Variants in NDEL1 observed in about 807,000 individuals in gnomAD.
NDEL1 encodes the protein nuclear distribution protein nudE-like 1.
A neutral mutation model predicts 45.7 loss-of-function variants in NDEL1; 9 were observed. The observed-to-expected ratio is 0.20, with a 90% confidence interval of 0.12 to 0.34. The LOEUF (loss-of-function observed/expected upper bound fraction) is 0.34. NDEL1 is among the 10% of genes least tolerant of loss of function. The pLI, the probability that NDEL1 is intolerant of heterozygous loss-of-function variation, is 1.00. For missense variants in NDEL1, 306 were observed against 406.2 expected, an observed-to-expected ratio of 0.75 and a Z score of 2.12; for synonymous variants, 133 against 158.6, an observed-to-expected ratio of 0.84 and a Z score of 1.21.
intron 1 of NDEL1, among the ~76,000 whole-genome samples, chr17:8,442,827 TCC>T (rs1222342720): frequency 7.1e-6 from 1 of 139,928 alleles, no homozygotes; most frequent in African/African-American, 2.6e-5. Flanking sequence ...TCTCGCTCTG[TCC>T]CCCAGGCTGG....
At chr17:8,433,482 T>C (rs1475197756), upstream of NDEL1, among the ~76,000 whole-genome samples, 1 of 152,238 alleles carries the variant, frequency 6.6e-6, no homozygotes, top group Non-Finnish European at 1.5e-5. Flanking sequence ...TTTACACTTT[T>C]ATAAAGCGTC....
chr17:8,467,099 G>T lies in NDEL1; in HGVS notation c.*76G>T. On this transcript the variant is annotated 3_prime_UTR_variant, in exon 9 of 9. Coordinates refer to ENST00000334527, the MANE Select transcript of NDEL1 (RefSeq NM_030808.5). This position sits in a 1 kb window ranked among gnomAD's most constrained non-coding sequence, Gnocchi z 6.3. Reference sequence around the variant, plus strand: ...ACCCACGCCTCACCCCTCGGTGCCTGGGCCCAGCCCCGTGCCCCTCCGTCT... The same window carrying T: ...ACCCACGCCTCACCCCTCGGTGCCTTGGCCCAGCCCCGTGCCCCTCCGTCT... 1.4e-6 allele frequency: 2 copies of T among 1,467,658 alleles called. No homozygotes were observed. Among genetic ancestry groups the T allele is most frequent in the Non-Finnish European group, 1.9e-6 (2 of 1,055,964 alleles). 90.9% of individuals were successfully genotyped at this position (1,467,658 alleles called of 1,614,324 possible). A position where few individuals can be genotyped will look rare whatever the true frequency, so the allele number is the denominator to read the frequency against.
intron 1 of NDEL1, among the ~76,000 whole-genome samples, chr17:8,439,034 C>T (rs1909553430): frequency 6.7e-6 from 1 of 150,158 alleles, no homozygotes; most frequent in Admixed American, 6.6e-5. Flanking sequence ...TTCTGCCTCC[C>T]GGGTTCACGC....
At chr17:8,441,941 G>A (rs528752534) in intron 1 of NDEL1, among the ~76,000 whole-genome samples, 35 of 151,826 alleles carry the variant, frequency 2.3e-4, no homozygotes, top group African/African-American at 7.7e-4. Context: ...CTGAGTTCTT[G>A]TATAAGAAAA....
chr17:8,454,881 A>G lies in NDEL1; in HGVS notation c.786A>G (p.Lys262=). The change falls in exon 7 of 9, where the codon AAA becomes AAG. Residue 262 remains lysine, a synonymous_variant. Coordinates refer to ENST00000334527, the MANE Select transcript of NDEL1 (RefSeq NM_030808.5). ...ACATCGTGGGGGATCTCTTACGGAA[A>G]GTAGGGGTAAGTTTCAATTATTTAT... The part of the protein sequence containing the change: ...ALNIVGDLLR[K]VGALESKLAA... The G allele has an allele frequency of 6.2e-7, 1 of 1,612,042 alleles. No homozygotes were observed. The highest frequency in any genetic ancestry group is 8.5e-7 in the Non-Finnish European group (1 of 1,178,708).
intron 2 of NDEL1, among the ~76,000 whole-genome samples, chr17:8,445,339 T>C (rs1392820988): frequency 6.6e-6 from 1 of 152,212 alleles, no homozygotes; most frequent in Non-Finnish European, 1.5e-5. Flanking sequence ...AACGATTCTA[T>C]TGTGATGTGA....
intron 6 of NDEL1, among the ~76,000 whole-genome samples, chr17:8,453,661 T>C (rs1335360582): frequency 6.6e-6 from 1 of 152,192 alleles, no homozygotes; most frequent in African/African-American, 2.4e-5. Context: ...CTTAATTTTC[T>C]TACAATATCC....
intron 6 of NDEL1, among the ~76,000 whole-genome samples, chr17:8,452,362 T>TA (rs1412538452): frequency 6.6e-6 from 1 of 152,186 alleles, no homozygotes; most frequent in African/African-American, 2.4e-5. Flanking sequence ...AATAGCCCGT[T>TA]AGAGTTTTCA....
chr17:8,469,483 C>T (rs994695232), downstream of NDEL1, among the ~76,000 whole-genome samples: 2 of 152,318 alleles, frequency 1.3e-5, no homozygotes, highest in African/African-American at 4.8e-5. Context: ...CAGTTGATAG[C>T]TGGAGGAAGG....
At chr17:8,472,237 C>A (rs184409915), downstream of NDEL1, among the ~76,000 whole-genome samples, 2 of 152,184 alleles carry the variant, frequency 1.3e-5, no homozygotes, top group Admixed American at 6.5e-5. Context: ...CTTGGCCTTA[C>A]GGCTCACAGT....
intron 1 of NDEL1, among the ~76,000 whole-genome samples, chr17:8,427,518 T>C (rs1162148456): frequency 6.6e-6 from 1 of 152,092 alleles, no homozygotes; most frequent in Non-Finnish European, 1.5e-5. Flanking sequence ...CTGGCCAACA[T>C]GGTGACACCC....
At chr17:8,460,469 C>T (rs1911128915) in intron 8 of NDEL1, among the ~76,000 whole-genome samples, 2 of 152,070 alleles carry the variant, frequency 1.3e-5, no homozygotes, top group Non-Finnish European at 1.5e-5. Flanking sequence ...TACAGGCTGG[C>T]AGACTTGGAA....
chr17:8,453,473 G>A (rs1489217877), intron 6 of NDEL1, among the ~76,000 whole-genome samples: 1 of 152,108 alleles, frequency 6.6e-6, no homozygotes, highest in Non-Finnish European at 1.5e-5. Context: ...TTACATATGG[G>A]TCACTTACCC....
At chr17:8,415,271 C>G (rs564707491) in intron 1 of NDEL1, among the ~76,000 whole-genome samples, 2 of 150,802 alleles carry the variant, frequency 1.3e-5, no homozygotes, top group African/African-American at 4.9e-5. Flanking sequence ...CTTGAATTCC[C>G]GGGCTTAAGC....
chr17:8,417,572 C>T (rs993957656), intron 1 of NDEL1, among the ~76,000 whole-genome samples: 5 of 152,204 alleles, frequency 3.3e-5, no homozygotes, highest in Non-Finnish European at 7.4e-5. Flanking sequence ...TGTATCTGGC[C>T]CTGGTTGTTG....
rs185343406 is a variant in NDEL1, at chr17:8,459,997, T to C, written c.793-12T>C. Reference sequence around the variant, plus strand: ...TTTTGACAACCATATCATTCCTCCTTCTTTTTTGTAGGCTTTAGAATCCAA... The same window carrying C: ...TTTTGACAACCATATCATTCCTCCTCCTTTTTTGTAGGCTTTAGAATCCAA... On this transcript the variant is annotated splice_polypyrimidine_tract_variant and intron_variant, in intron 7 of 8. Transcript: ENST00000334527. The C allele has an allele frequency of 1.5e-4, 240 of 1,604,802 alleles. No individual in the cohort carries two copies. The highest frequency in any genetic ancestry group is 1.7e-4 in the Admixed American group (10 of 57,802).
downstream of NDEL1, chr17:8,468,180 C>T (rs1324748924): frequency 6.6e-6 from 1 of 152,240 alleles, no homozygotes; most frequent in Non-Finnish European, 1.5e-5. Flanking sequence ...TTGCTTTATT[C>T]AGTCTCTGCC....
At position 8,465,592 on chromosome 17, in the gene NDEL1, G is replaced by A. The variant is rs1004258159; in HGVS notation, c.945-1338G>A. The A allele has an allele frequency of 7.9e-5, 12 of 151,942 alleles. No homozygotes were observed. Among genetic ancestry groups the A allele is most frequent in the African/African-American group, 2.2e-4 (9 of 41,364 alleles). 9.4% of individuals were successfully genotyped at this position (151,942 alleles called of 1,614,324 possible). A position where few individuals can be genotyped will look rare whatever the true frequency, so the allele number is the denominator to read the frequency against. ...TTGTCTGTGAGGTTATCCTCACCCC[G>A]TCAGTGTACGAAACAGCTGTCTCTG... is the stretch of plus-strand genomic sequence containing the variant. On this transcript the variant is annotated intron_variant, in intron 8 of 8. Transcript: ENST00000334527. This position sits in a 1 kb window ranked among gnomAD's most constrained non-coding sequence, Gnocchi z 4.9.
intron 1 of NDEL1, among the ~76,000 whole-genome samples, chr17:8,416,232 C>T (rs770626412): frequency 3.3e-5 from 5 of 152,132 alleles, no homozygotes; most frequent in East Asian, 3.8e-4. Flanking sequence ...TTCTACTTTC[C>T]GTTTCTATGA....
Sources: gnomAD v4.1 joint callset for allele counts (sites outside exome capture counted in the v4.1 genomes callset) on GRCh38, gnomAD v4.1.1 for gene constraint, Gnocchi (gnomAD v3.1) non-coding constraint, MANE v1.5 for transcripts, NCBI Gene and HGNC (gene_info 2026-07-23, HGNC 2026-07-21) for gene names.